The following SLC35F4 variants were observed in gnomAD, a reference collection of about 807,000 sequenced individuals.
SLC35F4 encodes solute carrier family 35 member F4.
Under a neutral mutation model 44.2 loss-of-function variants are expected in SLC35F4, and 24 were observed. The ratio of observed to expected loss-of-function variants is 0.54; its 90% CI spans 0.39 to 0.76. SLC35F4 has a LOEUF of 0.76. Among genes scored for constraint, SLC35F4 ranks in the 30% least tolerant of loss-of-function variants. SLC35F4 has a pLI of 0.00. For synonymous variants in SLC35F4, 238 were observed against 223.6 expected, an observed-to-expected ratio of 1.06 and a Z score of -0.57; for missense variants, 562 against 586.1, an observed-to-expected ratio of 0.96 and a Z score of 0.42.
chr14:57,750,574 A>T (rs2076861143), intron 1 of SLC35F4, among the ~76,000 whole-genome samples: 1 of 152,176 alleles, frequency 6.6e-6, no homozygotes, highest in Non-Finnish European at 1.5e-5. Context: ...AGCCATTCTA[A>T]CTGGGTTAAG....
chr14:57,586,966 A>G (rs2139866827), intron 3 of SLC35F4, among the ~76,000 whole-genome samples: 1 of 148,176 alleles, frequency 6.7e-6, no homozygotes, highest in South Asian at 2.2e-4. Flanking sequence ...AGAAAAAAAA[A>G]CCAACAAACA....
intron 1 of SLC35F4, among the ~76,000 whole-genome samples, chr14:57,629,087 A>G (rs1344995278): frequency 6.6e-6 from 1 of 152,138 alleles, no homozygotes; most frequent in East Asian, 1.9e-4. Context: ...CCACTCTTGC[A>G]GAACATTTCT....
At chr14:57,821,764 C>G (rs1483695919) in intron 1 of SLC35F4, among the ~76,000 whole-genome samples, 1 of 152,162 alleles carries the variant, frequency 6.6e-6, no homozygotes, top group Non-Finnish European at 1.5e-5. Flanking sequence ...TGGTGCTGGT[C>G]TAAGCAACCA....
At chr14:57,915,212 C>T (rs369732537) in intron 1 of SLC35F4, among the ~76,000 whole-genome samples, 36 of 152,258 alleles carry the variant, frequency 2.4e-4, no homozygotes, top group Non-Finnish European at 3.7e-4. Flanking sequence ...CACAAAGCTA[C>T]GCCCATCCTT....
At chr14:57,830,510 A>G (rs1217165893) in intron 1 of SLC35F4, among the ~76,000 whole-genome samples, 1 of 152,200 alleles carries the variant, frequency 6.6e-6, no homozygotes. Context: ...GGAAATCCTA[A>G]AAGATATTTC....
intron 1 of SLC35F4, among the ~76,000 whole-genome samples, chr14:57,663,870 G>C (rs1021819865): frequency 6.6e-6 from 1 of 152,128 alleles, no homozygotes; most frequent in African/African-American, 2.4e-5. Flanking sequence ...CAAATTGGCA[G>C]TTCACAGGTG....
chr14:57,755,357 C>G (rs2076972215), intron 1 of SLC35F4, among the ~76,000 whole-genome samples: 1 of 152,138 alleles, frequency 6.6e-6, no homozygotes, highest in South Asian at 2.1e-4. Flanking sequence ...CCACTCCTGT[C>G]ATAACCCAGA....
rs867561402 is a variant in SLC35F4, at chr14:57,859,672, C to G, written c.103+6051G>C. Among the ~76,000 whole-genome samples, 7 of 151,904 alleles carry G rather than the reference C, an allele frequency of 4.6e-5. No individual in the cohort carries two copies. In the South Asian group the frequency reaches 6.2e-4, roughly 14 times the overall value. On this transcript the variant is annotated intron_variant, in intron 1 of 7. Coordinates refer to ENST00000556826, the MANE Select transcript of SLC35F4 (RefSeq NM_001306087.2). ...TAGGGAAGTAAATATTTTTAAGGTG[C>G]GTATGCTGGATTGGAAGGACTTGAG...
upstream of SLC35F4, among the ~76,000 whole-genome samples, chr14:57,867,807 C>G (rs1595256664): frequency 1.3e-5 from 2 of 151,912 alleles, no homozygotes; most frequent in East Asian, 3.9e-4. Flanking sequence ...CCATCATAAT[C>G]CATAGCACAT....
chr14:57,799,573 G>A (rs930856697), intron 1 of SLC35F4: 1 of 152,484 alleles, frequency 6.6e-6, no homozygotes, highest in Non-Finnish European at 1.5e-5. Context: ...GCCAGCCAAT[G>A]GCAACAGGCT....
At chr14:57,609,365 G>T (rs146615388) in intron 1 of SLC35F4, among the ~76,000 whole-genome samples, 1 of 152,272 alleles carries the variant, frequency 6.6e-6, no homozygotes, top group East Asian at 1.9e-4. Context: ...AGGGAAACTG[G>T]TTTGGCATGT....
chr14:57,627,960 A>G (rs2092407127), intron 1 of SLC35F4, among the ~76,000 whole-genome samples: 1 of 152,126 alleles, frequency 6.6e-6, no homozygotes, highest in African/African-American at 2.4e-5. Flanking sequence ...TGGAATGTCC[A>G]CTAGGCTGAT....
chr14:57,920,901 G>T (rs527657386), intron 1 of SLC35F4, among the ~76,000 whole-genome samples: 3 of 152,174 alleles, frequency 2.0e-5, no homozygotes, highest in African/African-American at 7.2e-5. Context: ...CAAATGTATA[G>T]ATTACATTTG....
intron 1 of SLC35F4, among the ~76,000 whole-genome samples, chr14:57,730,607 G>C (rs2076319938): frequency 6.6e-6 from 1 of 151,978 alleles, no homozygotes; most frequent in African/African-American, 2.4e-5. Flanking sequence ...TTTTATTTTG[G>C]CTTGTTCTTA....
chr14:57,865,829 G>A lies in SLC35F4; in HGVS notation c.-4C>T. The stretch of plus-strand genomic sequence containing the variant: ...TGGGGGCCGCCTTGACATCCATAGA[G>A]AGCGCGGGGCGACGGCCCCGAGTGC... On this transcript the variant is annotated 5_prime_UTR_variant, in exon 1 of 8. Coordinates refer to ENST00000556826, the MANE Select transcript of SLC35F4 (RefSeq NM_001306087.2). The A allele has an allele frequency of 6.6e-7, 1 of 1,504,134 alleles. No individual in the cohort carries two copies. The highest frequency in any genetic ancestry group is 8.8e-7 in the Non-Finnish European group (1 of 1,132,622). The allele number at this position is 1,504,134 out of a possible 1,614,324, so 93.2% of individuals were successfully genotyped here.
At chr14:57,631,879 G>A (rs986441678) in intron 1 of SLC35F4, among the ~76,000 whole-genome samples, 5 of 151,980 alleles carry the variant, frequency 3.3e-5, no homozygotes, top group African/African-American at 4.8e-5. Context: ...AAAAAGTCTC[G>A]GATTGCTTGC....
chr14:57,630,585 A>G, intron 1 of SLC35F4: 1 of 940,190 alleles, frequency 1.1e-6, no homozygotes, highest in Non-Finnish European at 1.7e-6. Context: ...GAATTAGGGA[A>G]AAAAAGAACC....
At chr14:57,676,568 G>A (rs181190178) in intron 1 of SLC35F4, among the ~76,000 whole-genome samples, 34 of 152,126 alleles carry the variant, frequency 2.2e-4, no homozygotes, top group Admixed American at 1.8e-3. Flanking sequence ...ATGTATCCTG[G>A]AACTTAAAAT....
At position 57,923,557 on chromosome 14, in the gene SLC35F4, A is replaced by G. The variant is rs558352725; in HGVS notation, n.282+58356T>C. Among the ~76,000 whole-genome samples, 3 of 152,312 alleles carry G rather than the reference A, an allele frequency of 2.0e-5. No homozygotes were observed. In the South Asian group the frequency reaches 6.2e-4, roughly 32 times the overall value. On this transcript the variant is annotated intron_variant and non_coding_transcript_variant, in intron 1 of 1. Coordinates refer to the SLC35F4 transcript ENST00000556568. ...CCCTGTCTCAACTTTCTTGAAATCT[A>G]TGAAGGAAATCCAAGTATAAATCCC...
Sources: gnomAD v4.1 joint callset for allele counts (sites outside exome capture counted in the v4.1 genomes callset) on GRCh38, gnomAD v4.1.1 for gene constraint, MANE v1.5 for transcripts, NCBI Gene and HGNC (gene_info 2026-07-23, HGNC 2026-07-21) for gene names.